PPARGC1A: variants seen among roughly 807,000 people sequenced by gnomAD.
PPARGC1A encodes peroxisome proliferator-activated receptor gamma coactivator 1-alpha.
A neutral mutation model predicts 88.7 loss-of-function variants in PPARGC1A; 25 were observed. That is an observed-to-expected ratio of 0.28 (90% CI 0.21 to 0.39). The LOEUF (loss-of-function observed/expected upper bound fraction) is 0.39, where lower values mean the gene tolerates loss of function less well. Among genes scored for constraint, PPARGC1A ranks in the 10% least tolerant of loss-of-function variants. PPARGC1A has a pLI of 1.00. For synonymous variants in PPARGC1A, 363 were observed against 355.6 expected (o/e 1.02, Z -0.24); for missense variants, 880 against 968.7 (o/e 0.91, Z 1.22).
chr4:24,120,421 T>G, the PPARGC1A span, among the ~76,000 whole-genome samples: 3 of 152,186 alleles, frequency 2.0e-5, no homozygotes, highest in Admixed American at 6.5e-5. Context: ...TATTGTGTAC[T>G]TATTAGGTAC....
the PPARGC1A span, among the ~76,000 whole-genome samples, chr4:23,954,284 A>G: frequency 6.6e-6 from 1 of 152,122 alleles, no homozygotes; most frequent in African/African-American, 2.4e-5. Flanking sequence ...GTGTTGATAC[A>G]GTTTTCATAC....
chr4:24,165,581 A>T, the PPARGC1A span, among the ~76,000 whole-genome samples: 2 of 152,226 alleles, frequency 1.3e-5, no homozygotes, highest in African/African-American at 4.8e-5. Flanking sequence ...CACTTTTCCA[A>T]TAGCACGTGC....
intron 12 of PPARGC1A, among the ~76,000 whole-genome samples, chr4:23,801,471 A>C (rs939627744): frequency 2.0e-5 from 3 of 152,150 alleles, no homozygotes; most frequent in Non-Finnish European, 4.4e-5. Context: ...GGAAACACAC[A>C]ATATCCACAT....
At chr4:24,229,652 G>A in the PPARGC1A span, among the ~76,000 whole-genome samples, 1 of 151,034 alleles carries the variant, frequency 6.6e-6, no homozygotes, top group African/African-American at 2.4e-5. Context: ...GACCAATATG[G>A]TGAAACCCTG....
chr4:24,423,134 C>T, the PPARGC1A span, among the ~76,000 whole-genome samples: 2 of 152,276 alleles, frequency 1.3e-5, no homozygotes, highest in East Asian at 1.9e-4. Context: ...GTGTCACCTC[C>T]TAAATGAGCC....
At chr4:24,358,418 C>A in the PPARGC1A span, among the ~76,000 whole-genome samples, 16 of 152,152 alleles carry the variant, frequency 1.1e-4, no homozygotes, top group Non-Finnish European at 2.1e-4. Context: ...CGGCAGAGGG[C>A]CAGATTCAGA....
At chr4:23,827,446 A>G (rs1490397174) in intron 5 of PPARGC1A, among the ~76,000 whole-genome samples, 2 of 152,118 alleles carry the variant, frequency 1.3e-5, no homozygotes, top group East Asian at 3.9e-4. Flanking sequence ...AAAAAGAGGT[A>G]TATGTTTATA....
chr4:23,843,093 T>A (rs374487327), intron 2 of PPARGC1A, among the ~76,000 whole-genome samples: 1 of 152,090 alleles, frequency 6.6e-6, no homozygotes, highest in East Asian at 1.9e-4. Flanking sequence ...TCAGTCTTTA[T>A]ATTGCCAATC....
intron 10 of PPARGC1A, among the ~76,000 whole-genome samples, chr4:23,805,415 C>T (rs1333149662): frequency 6.6e-6 from 1 of 152,124 alleles, no homozygotes; most frequent in Non-Finnish European, 1.5e-5. Flanking sequence ...ACTCTACGAA[C>T]AATAGCATTG....
At chr4:24,234,479 G>C in the PPARGC1A span, among the ~76,000 whole-genome samples, 1 of 152,150 alleles carries the variant, frequency 6.6e-6, no homozygotes, top group Admixed American at 6.6e-5. Context: ...TGGCATTACA[G>C]GCTTGTTTTA....
At chr4:24,263,456 T>TACACACATGTGGGTGTATAC in the PPARGC1A span, among the ~76,000 whole-genome samples, 4 of 150,086 alleles carry the variant, frequency 2.7e-5, no homozygotes, top group Non-Finnish European at 5.9e-5. Context: ...TGTGGGTGTA[T>TACACACATGTGGGTGTATAC]ACACACACAC....
the PPARGC1A span, among the ~76,000 whole-genome samples, chr4:24,102,592 ATCT>A: frequency 6.6e-6 from 1 of 152,216 alleles, no homozygotes; most frequent in East Asian, 1.9e-4. Flanking sequence ...GCAAAACTAC[ATCT>A]TCTTTTAGAA....
the PPARGC1A span, among the ~76,000 whole-genome samples, chr4:24,036,623 A>T: frequency 6.6e-6 from 1 of 152,240 alleles, no homozygotes; most frequent in East Asian, 1.9e-4. Context: ...TGTAGTAAAA[A>T]AAAAAAGATG....
At chr4:23,997,814 G>A in the PPARGC1A span, among the ~76,000 whole-genome samples, 1 of 152,138 alleles carries the variant, frequency 6.6e-6, no homozygotes, top group South Asian at 2.1e-4. Context: ...TATAAGCAGT[G>A]TTGTAGTTGG....
the PPARGC1A span, among the ~76,000 whole-genome samples, chr4:24,095,169 G>A: frequency 3.4e-5 from 5 of 146,430 alleles, no homozygotes; most frequent in Non-Finnish European, 5.9e-5. Context: ...CCAGGCTGGA[G>A]TGCAGTGGCA....
At chr4:24,169,170 GA>G in the PPARGC1A span, among the ~76,000 whole-genome samples, 4 of 151,948 alleles carry the variant, frequency 2.6e-5, no homozygotes, top group African/African-American at 9.7e-5. Flanking sequence ...ATCTAATCAT[GA>G]AAAAAACAAG....
At chr4:24,270,178 A>ATCCC in the PPARGC1A span, among the ~76,000 whole-genome samples, 2 of 152,198 alleles carry the variant, frequency 1.3e-5, no homozygotes, top group East Asian at 3.9e-4. Context: ...TGCTATCTTG[A>ATCCC]TCCCTCTGCG....
At chr4:24,101,150 G>T in the PPARGC1A span, among the ~76,000 whole-genome samples, 2 of 152,148 alleles carry the variant, frequency 1.3e-5, no homozygotes, top group Non-Finnish European at 2.9e-5. Context: ...ACACGGAAGT[G>T]GTTTCTAATG....
chr4:23,853,610 C>T (rs1225207746), intron 2 of PPARGC1A, among the ~76,000 whole-genome samples: 1 of 152,090 alleles, frequency 6.6e-6, no homozygotes, highest in Non-Finnish European at 1.5e-5. Context: ...AAATTCTTTG[C>T]TGTACCTGAA....
Sources: allele counts gnomAD v4.1 joint callset (sites outside exome capture counted in the v4.1 genomes callset), GRCh38; gene constraint gnomAD v4.1.1; transcripts MANE v1.5; gene names NCBI Gene and HGNC (gene_info 2026-07-23, HGNC 2026-07-21).